Variants in TRAT1 observed in about 807,000 individuals in gnomAD.
TRAT1 encodes the protein T cell receptor associated transmembrane adaptor 1.
A neutral mutation model predicts 20.0 loss-of-function variants in TRAT1; 20 were observed. The observed-to-expected ratio is 1.00, with a 90% confidence interval of 0.70 to 1.45. The LOEUF is 1.45. Ranked by LOEUF, TRAT1 falls within the 40% of genes most tolerant of loss-of-function variation. The probability of loss-of-function intolerance (pLI) is 0.00; values close to 1 mark genes in which losing one functional copy is unlikely to be tolerated. For missense variants in TRAT1, 237 were observed against 224.1 expected (o/e 1.06, Z -0.37); for synonymous variants, 77 against 74.2 (o/e 1.04, Z -0.20).
At chr3:108,843,751 G>A (rs1313616868) in intron 3 of TRAT1, among the ~76,000 whole-genome samples, 1 of 151,994 alleles carries the variant, frequency 6.6e-6, no homozygotes, top group Non-Finnish European at 1.5e-5. Flanking sequence ...CTCTTGTCAA[G>A]GTTACCATGA....
intron 5 of TRAT1, 80 bp downstream of exon 5, chr3:108,849,334 C>A: frequency 1.6e-6 from 2 of 1,217,834 alleles, no homozygotes; most frequent in Non-Finnish European, 2.3e-6. Flanking sequence ...TCTGAAATAG[C>A]CTGTTAGAAA....
intron 1 of TRAT1, among the ~76,000 whole-genome samples, chr3:108,829,586 A>AACACACACACACACACACACACACACAC (rs144318236): frequency 4.2e-5 from 6 of 142,472 alleles, no homozygotes; most frequent in African/African-American, 1.3e-4. Flanking sequence ...TCCATCTCAA[A>AACACACACACACACACACACACACACAC]ACACACACAC....
chr3:108,844,721 G>A (rs1945924676), intron 3 of TRAT1, among the ~76,000 whole-genome samples: 1 of 151,000 alleles, frequency 6.6e-6, no homozygotes, highest in Non-Finnish European at 1.5e-5. Flanking sequence ...GCGGGCGCCT[G>A]TAGTCCCAGC....
At chr3:108,839,692 G>C (rs1945875549) in intron 3 of TRAT1, among the ~76,000 whole-genome samples, 3 of 151,770 alleles carry the variant, frequency 2.0e-5, no homozygotes. Flanking sequence ...TATACACAAG[G>C]ATGAGTAGCG....
At chr3:108,825,656 A>T (rs1191051720) in intron 1 of TRAT1, among the ~76,000 whole-genome samples, 1 of 152,204 alleles carries the variant, frequency 6.6e-6, no homozygotes, top group East Asian at 1.9e-4. Context: ...TCAATTAAAG[A>T]TCATAGTTCC....
intron 3 of TRAT1, among the ~76,000 whole-genome samples, chr3:108,845,432 T>C (rs1180138200): frequency 6.6e-6 from 1 of 152,248 alleles, no homozygotes; most frequent in Non-Finnish European, 1.5e-5. Context: ...TTTGCTATTA[T>C]ATTCTTGGCA....
chr3:108,829,224 C>CTA (rs1945768732), intron 1 of TRAT1, among the ~76,000 whole-genome samples: 1 of 152,076 alleles, frequency 6.6e-6, no homozygotes, highest in Non-Finnish European at 1.5e-5. Flanking sequence ...GGAAGCTGTT[C>CTA]TATACTATAT....
intron 1 of TRAT1, among the ~76,000 whole-genome samples, chr3:108,825,260 C>T (rs1038374511): frequency 6.6e-6 from 1 of 152,148 alleles, no homozygotes; most frequent in African/African-American, 2.4e-5. Context: ...ACCTATATGC[C>T]TGTAGTCACT....
At chr3:108,832,134 A>C (rs79206026) in intron 2 of TRAT1, among the ~76,000 whole-genome samples, 115 of 152,300 alleles carry the variant, frequency 7.6e-4, no homozygotes, top group East Asian at 7.0e-3. Flanking sequence ...ATAAGATGAG[A>C]GGTACTCGAA....
intron 5 of TRAT1, among the ~76,000 whole-genome samples, chr3:108,852,272 T>C (rs1437455045): frequency 6.6e-6 from 1 of 152,050 alleles, no homozygotes; most frequent in African/African-American, 2.4e-5. Flanking sequence ...TCCCAGCTAC[T>C]TGGGAGGCTG....
intron 2 of TRAT1, among the ~76,000 whole-genome samples, chr3:108,834,846 T>C (rs1945825058): frequency 1.3e-5 from 2 of 152,230 alleles, no homozygotes. Flanking sequence ...ATGTTTTCTG[T>C]AGCAGCTAGG....
chr3:108,838,627 AACCGCAATGC>A (rs1401895360), intron 2 of TRAT1, among the ~76,000 whole-genome samples: 1 of 152,152 alleles, frequency 6.6e-6, no homozygotes, highest in Non-Finnish European at 1.5e-5. Context: ...CTGTGCATAA[AACCGCAATGC>A]ATCCAGGCTG....
intron 1 of TRAT1, among the ~76,000 whole-genome samples, chr3:108,826,169 C>A (rs1945737034): frequency 6.6e-6 from 1 of 152,014 alleles, no homozygotes; most frequent in Non-Finnish European, 1.5e-5. Flanking sequence ...GAAGAGGTAG[C>A]CTTAATGTAA....
At chr3:108,828,232 G>GA (rs147535968) in intron 1 of TRAT1, among the ~76,000 whole-genome samples, 16 of 151,764 alleles carry the variant, frequency 1.1e-4, no homozygotes, top group African/African-American at 3.4e-4. Context: ...CAAGTGGAAA[G>GA]AAAAAAAATG....
At position 108,854,404 on chromosome 3, in the gene TRAT1, A is replaced by G. The variant is rs1026438977; in HGVS notation, c.*527A>G. 1.3e-5 allele frequency: 2 copies of G among 152,312 alleles called. No homozygotes were observed. Among genetic ancestry groups the G allele is most frequent in the Non-Finnish European group, 2.9e-5 (2 of 68,108 alleles). The allele number at this position is 152,312 out of a possible 1,614,324, so 9.4% of individuals were successfully genotyped here. A position where few individuals can be genotyped will look rare whatever the true frequency, so the allele number is the denominator to read the frequency against. On this transcript the variant is annotated 3_prime_UTR_variant, in exon 6 of 6. Coordinates refer to ENST00000295756, the MANE Select transcript of TRAT1 (RefSeq NM_016388.4). ...AAGAGAAGTAATATAATTTTCTTAC[A>G]AAGTATTTTTCCCAAAGATAGCTTT... is the stretch of plus-strand genomic sequence containing the variant.
intron 1 of TRAT1, among the ~76,000 whole-genome samples, chr3:108,823,311 C>T (rs879690779): frequency 1.3e-5 from 2 of 152,092 alleles, no homozygotes; most frequent in African/African-American, 4.8e-5. Flanking sequence ...AGATTAGGCA[C>T]TATAGTATTT....
In TRAT1 at chr3:108,853,997, G is replaced by GGGAT. The variant is rs1378552842; in HGVS notation, c.*123_*126dup. 4.4e-6 allele frequency: 4 copies of GGGAT among 914,336 alleles called. No homozygotes were observed. Among genetic ancestry groups the GGGAT allele is most frequent in the Non-Finnish European group, 6.8e-6 (4 of 585,166 alleles). 56.6% of individuals were successfully genotyped at this position (914,336 alleles called of 1,614,324 possible). A position where few individuals can be genotyped will look rare whatever the true frequency, so the allele number is the denominator to read the frequency against. ...GGTGATGACCTGATCATTTGTTGAT[G>GGGAT]GGATGGTGGCTTACCTCTTATTCAC... On this transcript the variant is annotated 3_prime_UTR_variant, in exon 6 of 6. Coordinates refer to ENST00000295756, the MANE Select transcript of TRAT1 (RefSeq NM_016388.4).
At position 108,854,861 on chromosome 3, in the gene TRAT1, G is replaced by A. The variant is rs989352362; in HGVS notation, c.*984G>A. ...TTTCTTTCAATAATTAAAAAATACT[G>A]CTTCACTGTCTTCTCTCTGTTTCAT... On this transcript the variant is annotated 3_prime_UTR_variant, in exon 6 of 6. Transcript: ENST00000295756. 2 of 152,050 alleles carry A rather than the reference G, an allele frequency of 1.3e-5. No homozygotes were observed. The highest frequency in any genetic ancestry group is 2.9e-5 in the Non-Finnish European group (2 of 67,960). The allele number at this position is 152,050 out of a possible 1,614,324, so 9.4% of individuals were successfully genotyped here.
intron 3 of TRAT1, among the ~76,000 whole-genome samples, chr3:108,840,557 T>A (rs1391113671): frequency 6.6e-6 from 1 of 151,788 alleles, no homozygotes; most frequent in Non-Finnish European, 1.5e-5. Flanking sequence ...AAAAAAGCTT[T>A]TATAACATTT....
Sources: allele counts gnomAD v4.1 joint callset (sites outside exome capture counted in the v4.1 genomes callset), GRCh38; gene constraint gnomAD v4.1.1; transcripts MANE v1.5; gene names NCBI Gene and HGNC (gene_info 2026-07-23, HGNC 2026-07-21).